The following N4BP2L2 variants were observed in gnomAD, a reference collection of about 807,000 sequenced individuals.
N4BP2L2 encodes NEDD4-binding protein 2-like 2.
Under a neutral mutation model 56.2 loss-of-function variants are expected in N4BP2L2, and 50 were observed. The observed-to-expected ratio is 0.89, with a 90% CI of 0.71 to 1.13. The LOEUF (loss-of-function observed/expected upper bound fraction) is 1.13. N4BP2L2 is among the 50% of genes most tolerant of loss of function. N4BP2L2 has a pLI of 0.00. For synonymous variants in N4BP2L2, 203 were observed against 223.6 expected (o/e 0.91, Z 0.82); for missense variants, 689 against 693.8 (o/e 0.99, Z 0.08).
intron 5 of N4BP2L2, among the ~76,000 whole-genome samples, chr13:32,520,779 T>C (rs2050658730): frequency 6.6e-6 from 1 of 152,084 alleles, no homozygotes; most frequent in African/African-American, 2.4e-5. Flanking sequence ...AAGTTCACAA[T>C]CTCTCACCAC....
rs765328220 is a variant in N4BP2L2 at position 32,444,039 on chromosome 13, C to T, written c.453G>A (p.Gln151=). 2.5e-6 allele frequency: 4 copies of T among 1,604,870 alleles called. No homozygotes were observed. In the South Asian group the frequency reaches 4.5e-5, roughly 18 times the overall value. ...ATGAGTTTTCCTCCATGATTCTATTCTGACTGTTCTGCTTTTTGTTTCTTT... is the reference window on the plus strand; with the variant it reads ...ATGAGTTTTCCTCCATGATTCTATTTTGACTGTTCTGCTTTTTGTTTCTTT... Residue 151 remains glutamine, a synonymous_variant, in exon 7 of 10, where the codon CAG becomes CAA. Coordinates refer to the N4BP2L2 transcript ENST00000357505.
chr13:32,459,537 T>A (rs1012510746), intron 6 of N4BP2L2, among the ~76,000 whole-genome samples: 1 of 152,042 alleles, frequency 6.6e-6, no homozygotes, highest in Non-Finnish European at 1.5e-5. Flanking sequence ...AAGAAATGGA[T>A]AAATTCTGGG....
At chr13:32,508,026 A>T (rs1471431038), downstream of N4BP2L2, 1 of 152,182 alleles carries the variant, frequency 6.6e-6, no homozygotes, top group Non-Finnish European at 1.5e-5. Flanking sequence ...AACCACAGAG[A>T]TCTGAACAAA....
intron 8 of N4BP2L2, chr13:32,438,620 A>G: frequency 6.6e-7 from 1 of 1,511,396 alleles, no homozygotes; most frequent in Non-Finnish European, 9.1e-7. Context: ...AACAACAAAA[A>G]TACATACACA....
chr13:32,508,383 AAGT>A (rs1367246812), downstream of N4BP2L2: 1 of 152,156 alleles, frequency 6.6e-6, no homozygotes, highest in African/African-American at 2.4e-5. Flanking sequence ...GGCGAGGTTG[AAGT>A]TAGAGAGAAG....
intron 3 of N4BP2L2, chr13:32,522,837 T>C (rs2051378207): frequency 6.6e-6 from 1 of 152,236 alleles, no homozygotes; most frequent in Non-Finnish European, 1.5e-5. Flanking sequence ...TTACCGCAGA[T>C]GATTATCTGT....
chr13:32,514,140 T>C (rs2048699262), exon 6 of N4BP2L2: 1 of 152,116 alleles, frequency 6.6e-6, no homozygotes. Context: ...AAAAATTCAG[T>C]CTTTTGTAAA....
intron 6 of N4BP2L2, among the ~76,000 whole-genome samples, chr13:32,491,635 ATTTT>A (rs3075001): frequency 0.034 from 4,517 of 132,416 alleles, 243 homozygotes; most frequent in African/African-American, 0.12. Context: ...ATATATATAT[ATTTT>A]TTTTTTTTTT....
chr13:32,443,129 G>T, exon 7 of N4BP2L2: 5 of 1,613,498 alleles, frequency 3.1e-6, no homozygotes, highest in Non-Finnish European at 4.2e-6. Flanking sequence ...TCCGGTTGAG[G>T]TAAGCAGCTT....
chr13:32,520,130 A>G (rs1324321699), intron 5 of N4BP2L2, among the ~76,000 whole-genome samples: 1 of 152,194 alleles, frequency 6.6e-6, no homozygotes, highest in East Asian at 1.9e-4. Context: ...GAAGTAAATT[A>G]GTTGGACCCC....
At chr13:32,532,830 C>T (rs1286261022) in intron 2 of N4BP2L2, among the ~76,000 whole-genome samples, 2 of 151,676 alleles carry the variant, frequency 1.3e-5, no homozygotes, top group Admixed American at 6.6e-5. Flanking sequence ...ACCTCATGAT[C>T]CACCTGCCTC....
intron 1 of N4BP2L2, among the ~76,000 whole-genome samples, chr13:32,538,269 A>G (rs1342106182): frequency 6.6e-6 from 1 of 151,482 alleles, no homozygotes; most frequent in African/African-American, 2.5e-5. Flanking sequence ...GGAGAACGCC[A>G]AAAGGCCTCC....
At chr13:32,498,396 G>A (rs2089249834) in intron 6 of N4BP2L2, among the ~76,000 whole-genome samples, 1 of 152,204 alleles carries the variant, frequency 6.6e-6, no homozygotes, top group South Asian at 2.1e-4. Flanking sequence ...GCCCAGGCTG[G>A]AGTGCAGTGG....
rs149972729 is a variant in N4BP2L2 at position 32,501,671 on chromosome 13, C to T, written c.365+16186G>A. 2.3e-3 allele frequency among the ~76,000 whole-genome samples: 344 copies of T among 151,884 alleles called. 3 individuals are homozygous for T. Among genetic ancestry groups the T allele is most frequent in the African/African-American group, 7.3e-3 (304 of 41,420 alleles). On this transcript the variant is annotated intron_variant, in intron 6 of 9. Transcript: ENST00000357505. Reference sequence around the variant, plus strand: ...CTACTAAAAATACAAAAACATTAGCCGGGAGTGGTGGTGGGCACCCGTAGT... The same window carrying T: ...CTACTAAAAATACAAAAACATTAGCTGGGAGTGGTGGTGGGCACCCGTAGT...
chr13:32,482,950 T>C (rs550843530), intron 6 of N4BP2L2, among the ~76,000 whole-genome samples: 1 of 152,376 alleles, frequency 6.6e-6, no homozygotes, highest in South Asian at 2.1e-4. Context: ...AACTAAGACA[T>C]ACTTATTCAG....
intron 2 of N4BP2L2, among the ~76,000 whole-genome samples, chr13:32,529,969 T>C (rs1323303628): frequency 6.6e-6 from 1 of 152,084 alleles, no homozygotes; most frequent in East Asian, 1.9e-4. Context: ...CAGGTGATCC[T>C]CCCACCTCAG....
intron 6 of N4BP2L2, among the ~76,000 whole-genome samples, chr13:32,487,431 C>T (rs1375666060): frequency 5.4e-4 from 81 of 149,400 alleles, no homozygotes; most frequent in Admixed American, 4.5e-3. Context: ...GAGCCGTGAC[C>T]GCACCACTGC....
intron 6 of N4BP2L2, among the ~76,000 whole-genome samples, chr13:32,465,183 T>A (rs1440442429): frequency 6.6e-6 from 1 of 152,098 alleles, no homozygotes; most frequent in Non-Finnish European, 1.5e-5. Flanking sequence ...GCCAAGCTGG[T>A]CTCAAACTCC....
chr13:32,480,650 A>C, intron 6 of N4BP2L2: 1 of 1,285,256 alleles, frequency 7.8e-7, no homozygotes, highest in Non-Finnish European at 1.0e-6. Context: ...GAAAATGGAA[A>C]TAACATTTAG....
Sources: gnomAD v4.1 joint callset for allele counts (sites outside exome capture counted in the v4.1 genomes callset) on GRCh38, gnomAD v4.1.1 for gene constraint, MANE v1.5 for transcripts, NCBI Gene and HGNC (gene_info 2026-07-23, HGNC 2026-07-21) for gene names.